Variants in CDK14 observed in about 807,000 individuals in gnomAD.
The protein encoded by CDK14 is cyclin dependent kinase 14.
Under a neutral mutation model 60.7 loss-of-function variants are expected in CDK14, and 34 were observed. That is an observed-to-expected ratio of 0.56 (90% CI 0.43 to 0.75). The LOEUF is 0.75. CDK14 is among the 30% of genes least tolerant of loss of function. The pLI is 0.00. For missense variants in CDK14, 482 were observed against 564.1 expected (o/e 0.85, Z 1.47); for synonymous variants, 197 against 203.7 (o/e 0.97, Z 0.28).
intron 2 of CDK14, among the ~76,000 whole-genome samples, chr7:90,632,845 T>C (rs1472338933): frequency 3.3e-5 from 5 of 152,152 alleles, no homozygotes; most frequent in Non-Finnish European, 5.9e-5. Context: ...TCCCAGACCT[T>C]TGGGAAGCCG....
intron 10 of CDK14, among the ~76,000 whole-genome samples, chr7:91,039,862 C>G (rs1797040469): frequency 6.6e-6 from 1 of 152,064 alleles, no homozygotes; most frequent in South Asian, 2.1e-4. Flanking sequence ...GAGACTGAGG[C>G]AGGTGGATCA....
intron 14 of CDK14, among the ~76,000 whole-genome samples, chr7:91,163,577 A>G (rs757936288): frequency 3.9e-5 from 6 of 152,210 alleles, no homozygotes; most frequent in Admixed American, 6.5e-5. Context: ...GCTAATTGAC[A>G]TATCCATCAC....
At chr7:91,044,620 T>C (rs1352525677) in intron 10 of CDK14, among the ~76,000 whole-genome samples, 1 of 152,172 alleles carries the variant, frequency 6.6e-6, no homozygotes, top group Non-Finnish European at 1.5e-5. Flanking sequence ...AGAATGCCTT[T>C]GGCTGAGAGG....
chr7:90,681,527 C>T (rs769343434), intron 2 of CDK14, among the ~76,000 whole-genome samples: 4 of 152,174 alleles, frequency 2.6e-5, no homozygotes, highest in Non-Finnish European at 5.9e-5. Context: ...TGCCTGTGCA[C>T]TCACTGCTGC....
intron 3 of CDK14, among the ~76,000 whole-genome samples, chr7:90,729,973 C>T (rs536412140): frequency 9.2e-5 from 14 of 152,156 alleles, no homozygotes; most frequent in African/African-American, 3.1e-4. Context: ...TTGCTGCACT[C>T]GTCAACCTGT....
intron 7 of CDK14, among the ~76,000 whole-genome samples, chr7:90,907,223 C>T (rs1792736825): frequency 6.6e-6 from 1 of 151,840 alleles, no homozygotes; most frequent in Non-Finnish European, 1.5e-5. Context: ...TAGTTGAATT[C>T]CCCACTCCCT....
chr7:90,778,342 A>G (rs1370784721), intron 4 of CDK14, among the ~76,000 whole-genome samples: 1 of 152,214 alleles, frequency 6.6e-6, no homozygotes, highest in African/African-American at 2.4e-5. Flanking sequence ...GTTTATCCTA[A>G]CAGCCTGTTT....
intron 13 of CDK14, among the ~76,000 whole-genome samples, chr7:91,115,537 A>G (rs750431246): frequency 1.3e-5 from 2 of 152,222 alleles, no homozygotes; most frequent in Non-Finnish European, 2.9e-5. Context: ...ACACAATTCA[A>G]TCCATAGCAC....
chr7:90,783,960 A>G (rs1805457684), intron 4 of CDK14, among the ~76,000 whole-genome samples: 1 of 152,206 alleles, frequency 6.6e-6, no homozygotes, highest in Non-Finnish European at 1.5e-5. Context: ...TATGTGGAAG[A>G]GATACCTGCA....
chr7:91,167,671 A>G lies in CDK14; in HGVS notation c.*29-39494A>G, dbSNP rs535333351. 3.3e-5 allele frequency among the ~76,000 whole-genome samples: 5 copies of G among 152,304 alleles called. No individual in the cohort carries two copies. The South Asian group carries it at 1.0e-3, about 32-fold the overall frequency. On this transcript the variant is annotated intron_variant, in intron 14 of 14. Transcript: ENST00000380050. ...AGTGGACACCATGATGTTGCCCCCAAATAATAGATGGCTTCAGGCCCTCTG... is the reference window on the plus strand; with the variant it reads ...AGTGGACACCATGATGTTGCCCCCAGATAATAGATGGCTTCAGGCCCTCTG...
intron 8 of CDK14, among the ~76,000 whole-genome samples, chr7:90,952,695 A>C (rs1794297639): frequency 1.3e-5 from 2 of 152,286 alleles, no homozygotes; most frequent in South Asian, 4.1e-4. Flanking sequence ...ACATTAATAT[A>C]AGAAGTTTTG....
chr7:91,133,945 G>A (rs925755600), intron 14 of CDK14, among the ~76,000 whole-genome samples: 1 of 152,090 alleles, frequency 6.6e-6, no homozygotes, highest in Non-Finnish European at 1.5e-5. Context: ...AAGAAATGCT[G>A]ATAAATTAAT....
rs148022331 is a variant in CDK14 at position 90,663,320 on chromosome 7, C to T, written c.123+59071C>T. Reference sequence around the variant, plus strand: ...TGGGAAAACGTTAAGATTTATTTATCTTGGATCACCCTGTCTTTCATACGG... The same window carrying T: ...TGGGAAAACGTTAAGATTTATTTATTTTGGATCACCCTGTCTTTCATACGG... On this transcript the variant is annotated intron_variant, in intron 2 of 14. Transcript: ENST00000380050. 3.1e-3 allele frequency among the ~76,000 whole-genome samples: 476 copies of T among 152,280 alleles called. 5 individuals are homozygous for T. The highest frequency in any genetic ancestry group is 0.011 in the African/African-American group (455 of 41,562).
At chr7:90,824,507 C>T (rs1789655628) in intron 5 of CDK14, 1 of 152,150 alleles carries the variant, frequency 6.6e-6, no homozygotes, top group Non-Finnish European at 1.5e-5. Flanking sequence ...CCTCTGTGTT[C>T]TTAAATCTCA....
intron 6 of CDK14, among the ~76,000 whole-genome samples, chr7:90,893,563 AT>A (rs1184363257): frequency 1.3e-5 from 2 of 152,196 alleles, no homozygotes; most frequent in African/African-American, 2.4e-5. Context: ...GTAGTTCTGT[AT>A]TTCTGGATAA....
At chr7:90,739,782 G>A (rs1022995669) in intron 3 of CDK14, among the ~76,000 whole-genome samples, 1 of 152,284 alleles carries the variant, frequency 6.6e-6, no homozygotes, top group East Asian at 1.9e-4. Flanking sequence ...ATAATTTAGA[G>A]TGGAACTGTG....
chr7:90,824,730 T>A (rs967214517), intron 5 of CDK14: 3 of 152,220 alleles, frequency 2.0e-5, no homozygotes, highest in Non-Finnish European at 4.4e-5. Context: ...GCTATTGTAA[T>A]GATCTGGTGG....
intron 2 of CDK14, among the ~76,000 whole-genome samples, chr7:90,659,078 T>G: frequency 6.6e-6 from 1 of 152,218 alleles, no homozygotes. Flanking sequence ...GGCATAGTGT[T>G]AAAAACATTG....
At chr7:90,919,743 A>G (rs977376781) in intron 8 of CDK14, among the ~76,000 whole-genome samples, 1 of 152,192 alleles carries the variant, frequency 6.6e-6, no homozygotes, top group Non-Finnish European at 1.5e-5. Context: ...GATTTTTTTC[A>G]TTAATGGCCA....
Sources: allele counts gnomAD v4.1 joint callset (sites outside exome capture counted in the v4.1 genomes callset), GRCh38; gene constraint gnomAD v4.1.1; transcripts MANE v1.5; gene names NCBI Gene and HGNC (gene_info 2026-07-23, HGNC 2026-07-21).